The following SAP30L variants were observed in gnomAD, a reference collection of about 807,000 sequenced individuals.
SAP30L encodes histone deacetylase complex subunit SAP30L.
In SAP30L, 10 loss-of-function variants were observed where a neutral mutation model predicts 22.3. The ratio of observed to expected loss-of-function variants is 0.45; its 90% CI spans 0.28 to 0.76. SAP30L has a LOEUF of 0.76. Among genes scored for constraint, SAP30L ranks in the 30% least tolerant of loss-of-function variants. The pLI, the probability that SAP30L is intolerant of heterozygous loss-of-function variation, is 0.14. For missense variants in SAP30L, 206 were observed against 237.9 expected, an observed-to-expected ratio of 0.87 and a Z score of 0.88; for synonymous variants, 91 against 94.1, an observed-to-expected ratio of 0.97 and a Z score of 0.19.
chr5:154,452,779 C>T lies in SAP30L; in HGVS notation c.325-623C>T, dbSNP rs115488122. ...GTGCTCCTCTATCCGGTCGCTGCCT[C>T]GTTCTGGCCTATCATCCTCCAGGAT... On this transcript the variant is annotated intron_variant, in intron 2 of 3. Coordinates refer to ENST00000297109, the MANE Select transcript of SAP30L (RefSeq NM_024632.6). Among the ~76,000 whole-genome samples the T allele has an allele frequency of 6.7e-3, 1,016 of 152,344 alleles. 7 individuals are homozygous for T. Among genetic ancestry groups the T allele is most frequent in the Middle Eastern group, 0.041 (12 of 294 alleles).
intron 1 of SAP30L, 117 bp from the exon 2 acceptor site, chr5:154,450,974 G>T: frequency 9.3e-7 from 1 of 1,078,994 alleles, no homozygotes; most frequent in Non-Finnish European, 1.4e-6. Flanking sequence ...CCTACATCTT[G>T]TCTTCCATCT....
In SAP30L at chr5:154,460,689, T is replaced by A. The variant is rs1757355917; in HGVS notation, c.*4661T>A. Reference sequence around the variant, plus strand: ...CACAAACCCTTCAGTTGCTTTCACTTAATGCACACATTTGCCAATGACAGA... The same window carrying A: ...CACAAACCCTTCAGTTGCTTTCACTAAATGCACACATTTGCCAATGACAGA... On this transcript the variant is annotated 3_prime_UTR_variant, in exon 4 of 4. Coordinates refer to ENST00000297109, the MANE Select transcript of SAP30L (RefSeq NM_024632.6). The A allele has an allele frequency of 6.6e-6, 1 of 152,246 alleles. No homozygotes were observed. Among genetic ancestry groups the A allele is most frequent in the African/African-American group, 2.4e-5 (1 of 41,468 alleles). 9.4% of individuals were successfully genotyped at this position (152,246 alleles called of 1,614,324 possible).
chr5:154,447,421 T>C (rs1013982537), intron 1 of SAP30L, among the ~76,000 whole-genome samples: 1 of 152,248 alleles, frequency 6.6e-6, no homozygotes, highest in Admixed American at 6.5e-5. Flanking sequence ...TTAGTGGTAG[T>C]TTCTTTTGAA....
Position 154,446,487 on chromosome 5 carries a change from G to C in SAP30L, c.-118G>C. 1 of 850,622 alleles carries C rather than the reference G, an allele frequency of 1.2e-6. No individual in the cohort carries two copies. The highest frequency in any genetic ancestry group is 3.4e-5 in the East Asian group (1 of 29,586). 52.7% of individuals were successfully genotyped at this position (850,622 alleles called of 1,614,324 possible). ...GCGGGGCAGGGCAGCGCCCGGGCTG[G>C]AGACGGACTCTGGGACCCTCGGCTG... On this transcript the variant is annotated 5_prime_UTR_variant, in exon 1 of 4. Transcript: ENST00000297109.
In SAP30L at chr5:154,455,894, A is replaced by C. The variant is rs749037498; in HGVS notation, c.424-6A>C. On this transcript the variant is annotated splice_region_variant and splice_polypyrimidine_tract_variant and intron_variant, in intron 3 of 3. Transcript: ENST00000297109. ...TAAGGAACTTTGGTATTTTCCCCCC[A>C]CATAGACTGTGAGTCGACACTTCAG... The C allele has an allele frequency of 3.7e-6, 6 of 1,609,420 alleles. No individual in the cohort carries two copies. The Admixed American group carries it at 6.8e-5, about 18-fold the overall frequency.
intron 1 of SAP30L, among the ~76,000 whole-genome samples, chr5:154,449,321 T>G (rs1757090817): frequency 6.6e-6 from 1 of 151,744 alleles, no homozygotes; most frequent in African/African-American, 2.4e-5. Context: ...AAAAGACATG[T>G]ACTGGGGGGG....
At chr5:154,454,921 A>ATT (rs774810806) in intron 3 of SAP30L, among the ~76,000 whole-genome samples, 10 of 145,402 alleles carry the variant, frequency 6.9e-5, no homozygotes, top group African/African-American at 2.0e-4. Context: ...ATTTAACACA[A>ATT]TTTTTTTTTT....
rs1209774476 is a variant in SAP30L, at chr5:154,446,314, G to C, written c.-291G>C. ...CCGGACACCCCCGCTGCAGGGTTAC[G>C]GTTCTGGGCCCCCGGCAGAAGGCTC... is the stretch of plus-strand genomic sequence containing the variant. On this transcript the variant is annotated 5_prime_UTR_variant, in exon 1 of 4. Coordinates refer to ENST00000297109, the MANE Select transcript of SAP30L (RefSeq NM_024632.6). 1 of 325,452 alleles carries C rather than the reference G, an allele frequency of 3.1e-6. No homozygotes were observed. The highest frequency in any genetic ancestry group is 5.6e-6 in the Non-Finnish European group (1 of 179,380). The allele number at this position is 325,452 out of a possible 1,614,324, so 20.2% of individuals were successfully genotyped here. A position where few individuals can be genotyped will look rare whatever the true frequency, so the allele number is the denominator to read the frequency against.
intron 2 of SAP30L, 76 bp from the exon 3 acceptor site, chr5:154,453,326 G>A: frequency 2.0e-6 from 2 of 991,326 alleles, no homozygotes; most frequent in South Asian, 1.4e-5. Flanking sequence ...TTAGTGTAGT[G>A]CTAGGCACAT....
Position 154,453,542 on chromosome 5 carries a change from G to A in SAP30L, c.423+42G>A, listed in dbSNP as rs201304565. 737 of 1,290,966 alleles carry A rather than the reference G, an allele frequency of 5.7e-4. 2 individuals carry two copies. In the Middle Eastern group the frequency reaches 8.7e-3, roughly 15 times the overall value. The allele number at this position is 1,290,966 out of a possible 1,614,324, so 80.0% of individuals were successfully genotyped here. A position where few individuals can be genotyped will look rare whatever the true frequency, so the allele number is the denominator to read the frequency against. On this transcript the variant is annotated intron_variant, in intron 3 of 3. Transcript: ENST00000297109. ...GCCCTCTAAAGAGAGCCAGCATTGTGCTGCTTCTGATGGTTACCCTGATTC... is the reference window on the plus strand; with the variant it reads ...GCCCTCTAAAGAGAGCCAGCATTGTACTGCTTCTGATGGTTACCCTGATTC...
intron 1 of SAP30L, among the ~76,000 whole-genome samples, chr5:154,449,287 T>C (rs571880536): frequency 9.2e-5 from 14 of 152,072 alleles, no homozygotes; most frequent in Non-Finnish European, 2.1e-4. Flanking sequence ...TTGAGAATAG[T>C]ATAAAGGAAA....
rs529233771 is a variant in SAP30L at position 154,450,619 on chromosome 5, CT to C, written c.202-471del. On this transcript the variant is annotated intron_variant, in intron 1 of 3. Transcript: ENST00000297109. ...CTAAGCTGTTCTCATGCCCACCCCC[CT>C]GATGCCTCACTTTTTCATTATGCTC... Among the ~76,000 whole-genome samples the C allele has an allele frequency of 1.4e-4, 21 of 152,302 alleles. No homozygotes were observed. The East Asian group carries it at 3.3e-3, about 24-fold the overall frequency.
chr5:154,457,501 G>A lies in SAP30L; in HGVS notation c.*1473G>A, dbSNP rs1757288150. On this transcript the variant is annotated 3_prime_UTR_variant, in exon 4 of 4. Transcript: ENST00000297109. ...GAGTTTCACAGATGACTTAATCTGA[G>A]CACCATCACAGAGAAGTCAGGACTA... 6.6e-6 allele frequency: 1 copy of A among 152,192 alleles called. No homozygotes were observed. Among genetic ancestry groups the A allele is most frequent in the South Asian group, 2.1e-4 (1 of 4,832 alleles). 9.4% of individuals were successfully genotyped at this position (152,192 alleles called of 1,614,324 possible).
intron 2 of SAP30L, 66 bp downstream of exon 2, chr5:154,451,279 G>A: frequency 2.0e-6 from 3 of 1,531,692 alleles, no homozygotes; most frequent in African/African-American, 1.4e-5. Context: ...CTCACCTCTG[G>A]CCTGGTCTGC....
chr5:154,459,856 T>C lies in SAP30L; in HGVS notation c.*3828T>C, dbSNP rs1342507771. On this transcript the variant is annotated 3_prime_UTR_variant, in exon 4 of 4. Coordinates refer to ENST00000297109, the MANE Select transcript of SAP30L (RefSeq NM_024632.6). The stretch of plus-strand genomic sequence containing the variant: ...TTCCTGTAAGGACTTTGCACTGTTT[T>C]TGCTGAGAAAACAACGCTTCAGGAC... 1.3e-5 allele frequency: 2 copies of C among 152,224 alleles called. No individual in the cohort carries two copies. The highest frequency in any genetic ancestry group is 2.4e-5 in the African/African-American group (1 of 41,458). 9.4% of individuals were successfully genotyped at this position (152,224 alleles called of 1,614,324 possible).
intron 1 of SAP30L, among the ~76,000 whole-genome samples, chr5:154,447,578 G>T (rs1464698500): frequency 3.3e-5 from 5 of 152,188 alleles, no homozygotes; most frequent in Admixed American, 6.5e-5. Context: ...TTTTTAGTTT[G>T]ACATCTGTTG....
intron 1 of SAP30L, 90 bp downstream of exon 1, chr5:154,446,895 C>A (rs1437039594): frequency 8.7e-7 from 1 of 1,143,196 alleles, no homozygotes; most frequent in Admixed American, 2.2e-5. Flanking sequence ...CCGGGCACTC[C>A]CCGCCGTGGG....
At position 154,458,972 on chromosome 5, in the gene SAP30L, A is replaced by C. The variant is rs1268932753; in HGVS notation, c.*2944A>C. On this transcript the variant is annotated 3_prime_UTR_variant, in exon 4 of 4. Coordinates refer to ENST00000297109, the MANE Select transcript of SAP30L (RefSeq NM_024632.6). ...CTGTCATAGCTAAATAGTCACTGCT[A>C]GCCTTTCAGAGAACAGATAGTAACA... The C allele has an allele frequency of 6.6e-6, 1 of 152,264 alleles. No homozygotes were observed. The highest frequency in any genetic ancestry group is 2.4e-5 in the African/African-American group (1 of 41,476). The allele number at this position is 152,264 out of a possible 1,614,324, so 9.4% of individuals were successfully genotyped here.
rs578062783 is a variant in SAP30L at position 154,456,932 on chromosome 5, G to A, written c.*904G>A. 1 of 152,192 alleles carries A rather than the reference G, an allele frequency of 6.6e-6. No individual in the cohort carries two copies. The highest frequency in any genetic ancestry group is 2.4e-5 in the African/African-American group (1 of 41,460). 9.4% of individuals were successfully genotyped at this position (152,192 alleles called of 1,614,324 possible). A position where few individuals can be genotyped will look rare whatever the true frequency, so the allele number is the denominator to read the frequency against. On this transcript the variant is annotated 3_prime_UTR_variant, in exon 4 of 4. Coordinates refer to ENST00000297109, the MANE Select transcript of SAP30L (RefSeq NM_024632.6). ...TGACATATTTAGTAGGTTGGGGCAA[G>A]TATTTTTAGAAGTTTTCATCCTAAG... is the stretch of plus-strand genomic sequence containing the variant.
Sources: gnomAD v4.1 joint callset for allele counts (sites outside exome capture counted in the v4.1 genomes callset) on GRCh38, gnomAD v4.1.1 for gene constraint, MANE v1.5 for transcripts, NCBI Gene and HGNC (gene_info 2026-07-23, HGNC 2026-07-21) for gene names.